Variants in ZNF470 observed in about 807,000 individuals in gnomAD.
The protein encoded by ZNF470 is zinc finger protein 470, also known as chondrogenesis zinc finger protein 1.
A neutral mutation model predicts 13.9 loss-of-function variants in ZNF470; 13 were observed. That is an observed-to-expected ratio of 0.94 (90% CI 0.61 to 1.49). The LOEUF (loss-of-function observed/expected upper bound fraction) is 1.49, where lower values mean the gene tolerates loss of function less well. ZNF470 is among the 40% of genes most tolerant of loss of function. The pLI, the probability that ZNF470 is intolerant of heterozygous loss-of-function variation, is 0.00. For missense variants in ZNF470, 929 were observed against 857.3 expected, an observed-to-expected ratio of 1.08 and a Z score of -1.04; for synonymous variants, 293 against 282.9, an observed-to-expected ratio of 1.04 and a Z score of -0.36.
intron 5 of ZNF470, among the ~76,000 whole-genome samples, chr19:56,575,134 T>G (rs1042708102): frequency 6.6e-6 from 1 of 152,132 alleles, no homozygotes; most frequent in Admixed American, 6.6e-5. Context: ...TCCCTCTGCC[T>G]TTTTCTTTTT....
intron 1 of ZNF470, 137 bp downstream of exon 1, chr19:56,568,175 G>A (rs1030071190): frequency 2.2e-6 from 2 of 921,564 alleles, no homozygotes; most frequent in Non-Finnish European, 2.6e-6. Context: ...AAGATTTGGA[G>A]GGTCACCTTG....
intron 3 of ZNF470, chr19:56,574,031 T>C (rs2044472346): frequency 1.3e-6 from 1 of 751,534 alleles, no homozygotes; most frequent in Non-Finnish European, 1.6e-6. Context: ...CAGAGCTCTT[T>C]AGCTTCTCCA....
chr19:56,570,230 C>G, intron 2 of ZNF470, 50 bp from the exon 3 acceptor site: 2 of 1,379,586 alleles, frequency 1.4e-6, no homozygotes, highest in South Asian at 1.2e-5. Context: ...CATTTTCAGA[C>G]TTTGATTATT....
At chr19:56,570,778 T>C (rs1051043702) in intron 3 of ZNF470, among the ~76,000 whole-genome samples, 1 of 152,116 alleles carries the variant, frequency 6.6e-6, no homozygotes, top group African/African-American at 2.4e-5. Flanking sequence ...ACTTACGCAG[T>C]GTGAGAAGTG....
At chr19:56,573,196 C>G (rs916127197) in intron 3 of ZNF470, among the ~76,000 whole-genome samples, 1 of 152,182 alleles carries the variant, frequency 6.6e-6, no homozygotes, top group Admixed American at 6.5e-5. Context: ...GCCTTCTCTT[C>G]TTCTCTCTCT....
At chr19:56,570,870 A>G (rs951013130) in intron 3 of ZNF470, among the ~76,000 whole-genome samples, 19 of 152,196 alleles carry the variant, frequency 1.2e-4, no homozygotes, top group Admixed American at 8.5e-4. Context: ...GTGAATTAGA[A>G]AAAAAAGTGC....
Position 56,568,007 on chromosome 19 carries a change from A to T in ZNF470, c.-190A>T. The T allele has an allele frequency of 1.0e-6, 1 of 985,594 alleles. No individual in the cohort carries two copies. Among genetic ancestry groups the T allele is most frequent in the African/African-American group, 1.7e-5 (1 of 57,362 alleles). The allele number at this position is 985,594 out of a possible 1,614,324, so 61.1% of individuals were successfully genotyped here. A position where few individuals can be genotyped will look rare whatever the true frequency, so the allele number is the denominator to read the frequency against. ...AGGGCTCCATGTCCACAGGACGGCG[A>T]GGAGCGAAGACCATGGGGACTGAGT... On this transcript the variant is annotated 5_prime_UTR_variant, in exon 1 of 6. Transcript: ENST00000330619.
intron 5 of ZNF470, 89 bp downstream of exon 5, chr19:56,574,822 C>G (rs2044478361): frequency 8.6e-7 from 1 of 1,160,176 alleles, no homozygotes; most frequent in Non-Finnish European, 1.2e-6. Context: ...CAAACTCCCT[C>G]CCAAACTGAA....
intron 3 of ZNF470, among the ~76,000 whole-genome samples, chr19:56,572,340 CAAAAAAAAAAAAAAAAAA>C (rs564410370): frequency 1.2e-4 from 2 of 16,408 alleles, no homozygotes; most frequent in Non-Finnish European, 1.7e-4. Flanking sequence ...CCTGTCTCTA[CAAAAAAAAAAAAAAAAAA>C]AAAAAAAAAA....
chr19:56,577,245 T>G lies in ZNF470; in HGVS notation c.816T>G (p.Ala272=). The G allele has an allele frequency of 6.2e-7, 1 of 1,612,072 alleles. No homozygotes were observed. The highest frequency in any genetic ancestry group is 1.7e-5 in the Admixed American group (1 of 59,706). ...CCTTTAGCCAGAGTGCCCACCTTGC[T>G]CAACATCAGAGAATACACACAGGAG... ...GKAFSQSAHL[A]QHQRIHTGEK... is the part of the protein sequence containing the mutation. Residue 272 remains alanine (A), a synonymous_variant, in exon 6 of 6, where the codon GCT becomes GCG. Coordinates refer to ENST00000330619, the MANE Select transcript of ZNF470 (RefSeq NM_001001668.4).
Position 56,578,481 on chromosome 19 carries a change from A to C in ZNF470, c.2052A>C (p.Lys684Asn), listed in dbSNP as rs771789332. The C allele has an allele frequency of 1.2e-6, 2 of 1,612,290 alleles. No homozygotes were observed. The highest frequency in any genetic ancestry group is 1.7e-6 in the Non-Finnish European group (2 of 1,179,090). The change falls in exon 6 of 6, where the codon AAA (lysine) becomes AAC (asparagine). Residue 684 changes from lysine (K) to asparagine (N), a missense_variant. Coordinates refer to ENST00000330619, the MANE Select transcript of ZNF470 (RefSeq NM_001001668.4). ...ERPYECKECG[K>N]AFRQSVHLAH... ...CCTATGAGTGTAAAGAATGTGGAAA[A>C]GCCTTCAGGCAGAGTGTACATCTTG...
chr19:56,579,809 A>G lies in ZNF470; in HGVS notation c.*1226A>G, dbSNP rs1322070064. The G allele has an allele frequency of 1.1e-6, 1 of 889,616 alleles. No homozygotes were observed. The highest frequency in any genetic ancestry group is 1.3e-6 in the Non-Finnish European group (1 of 743,024). 55.1% of individuals were successfully genotyped at this position (889,616 alleles called of 1,614,324 possible). ...ATCTGATAAAAATATTTCTCCCTAA[A>G]TTGTAAATTCATTGATATTCCAGTA... On this transcript the variant is annotated 3_prime_UTR_variant, in exon 6 of 6. Transcript: ENST00000330619.
chr19:56,569,728 A>G lies in ZNF470; in HGVS notation c.-32-552A>G, dbSNP rs562371231. Reference sequence around the variant, plus strand: ...CAAGGCAGGAGGATTGCTTGAGGCCAGGAGGTTGACCAGATACCTAACTCC... The same window carrying G: ...CAAGGCAGGAGGATTGCTTGAGGCCGGGAGGTTGACCAGATACCTAACTCC... On this transcript the variant is annotated intron_variant, in intron 2 of 5. Transcript: ENST00000330619. 1.9e-3 allele frequency among the ~76,000 whole-genome samples: 295 copies of G among 152,184 alleles called. 1 individual carries two copies. The highest frequency in any genetic ancestry group is 3.2e-3 in the Non-Finnish European group (221 of 68,004).
chr19:56,581,626 T>C lies in ZNF470; in HGVS notation c.*3043T>C. 1.1e-6 allele frequency: 1 copy of C among 912,576 alleles called. No homozygotes were observed. Among genetic ancestry groups the C allele is most frequent in the Non-Finnish European group, 1.3e-6 (1 of 763,638 alleles). The allele number at this position is 912,576 out of a possible 1,614,324, so 56.5% of individuals were successfully genotyped here. The stretch of plus-strand genomic sequence containing the variant: ...TAGCTGTGCTATACTAAATGAAAAA[T>C]TGCAGACCTGTATTGTAGTATAGGC... On this transcript the variant is annotated 3_prime_UTR_variant, in exon 6 of 6. Transcript: ENST00000330619.
At position 56,578,184 on chromosome 19, in the gene ZNF470, A is replaced by T; in HGVS notation, c.1755A>T (p.Arg585Ser). The T allele has an allele frequency of 6.2e-7, 1 of 1,613,942 alleles. No homozygotes were observed. The highest frequency in any genetic ancestry group is 1.6e-4 in the Middle Eastern group (1 of 6,062). The change falls in exon 6 of 6, where the codon AGA (arginine) becomes AGT (serine). Residue 585 changes from arginine (R) to serine (S), a missense_variant. Physicochemically the swap from Arg to Ser is moderately radical, Grantham distance 110. Transcript: ENST00000330619. ...GCTCATATCTTGTTCAACATCAGAG[A>T]CTCCACAGTGGCAAAAGACCGTATG... Reference protein sequence around the residue: ...SDGSYLVQHQRLHSGKRPYEC... With the variant: ...SDGSYLVQHQSLHSGKRPYEC...
Position 56,577,613 on chromosome 19 carries a change from A to G in ZNF470, c.1184A>G (p.Lys395Arg). The change falls in exon 6 of 6, where the codon AAA (lysine) becomes AGA (arginine). Residue 395 changes from lysine to arginine, a missense_variant. Coordinates refer to ENST00000330619, the MANE Select transcript of ZNF470 (RefSeq NM_001001668.4). ...RHRRYYHTGE[K>R]PFDCIDCGKA... ...CGGCGATATTATCATACTGGAGAGA[A>G]ACCCTTTGACTGTATTGATTGTGGG... The G allele has an allele frequency of 6.2e-7, 1 of 1,614,078 alleles. No homozygotes were observed. Among genetic ancestry groups the G allele is most frequent in the Non-Finnish European group, 8.5e-7 (1 of 1,180,010 alleles).
rs780290642 is a variant in ZNF470 at position 56,578,204 on chromosome 19, C to G, written c.1775C>G (p.Pro592Arg). ...QHQRLHSGKR[P>R]YECLECGKAF... ...CAGAGACTCCACAGTGGCAAAAGAC[C>G]GTATGAATGTCTTGAATGTGGGAAG... Residue 592 changes from proline to arginine, a missense_variant, in exon 6 of 6, where the codon CCG becomes CGG. Transcript: ENST00000330619. The G allele has an allele frequency of 6.2e-7, 1 of 1,613,998 alleles. No homozygotes were observed. Among genetic ancestry groups the G allele is most frequent in the Admixed American group, 1.7e-5 (1 of 59,998 alleles).
In ZNF470 at chr19:56,578,487, C is replaced by A. The variant is rs1283832920; in HGVS notation, c.2058C>A (p.Phe686Leu). Residue 686 changes from phenylalanine to leucine, a missense_variant, in exon 6 of 6, where the codon TTC (phenylalanine) becomes TTA (leucine). Physicochemically the swap from Phe to Leu is conservative, Grantham distance 22. Coordinates refer to ENST00000330619, the MANE Select transcript of ZNF470 (RefSeq NM_001001668.4). ...AGTGTAAAGAATGTGGAAAAGCCTT[C>A]AGGCAGAGTGTACATCTTGCTCATC... ...PYECKECGKAFRQSVHLAHHQ... is the reference protein window; with the variant it reads ...PYECKECGKALRQSVHLAHHQ... 1 of 1,611,846 alleles carries A rather than the reference C, an allele frequency of 6.2e-7. No homozygotes were observed. Among genetic ancestry groups the A allele is most frequent in the Non-Finnish European group, 8.5e-7 (1 of 1,178,906 alleles).
In ZNF470 at chr19:56,582,163, G is replaced by A. The variant is rs964305421; in HGVS notation, c.*3580G>A. 3.1e-5 allele frequency: 31 copies of A among 985,392 alleles called. No individual in the cohort carries two copies. In the East Asian group the frequency reaches 2.3e-3, roughly 72 times the overall value. 61.0% of individuals were successfully genotyped at this position (985,392 alleles called of 1,614,324 possible). On this transcript the variant is annotated 3_prime_UTR_variant, in exon 6 of 6. Coordinates refer to ENST00000330619, the MANE Select transcript of ZNF470 (RefSeq NM_001001668.4). ...GACTGGAAAGCATCTCATGGTGTGC[G>A]ATGAGCAAACGCCTGATTATTCATT...
Sources: gnomAD v4.1 joint callset for allele counts (sites outside exome capture counted in the v4.1 genomes callset) on GRCh38, gnomAD v4.1.1 for gene constraint, MANE v1.5 for transcripts, NCBI Gene and HGNC (gene_info 2026-07-23, HGNC 2026-07-21) for gene names.